NELL1: variants seen among roughly 807,000 people sequenced by gnomAD.
The protein encoded by NELL1 is neural EGFL like 1.
Under a neutral mutation model 107.4 loss-of-function variants are expected in NELL1, and 76 were observed. The ratio of observed to expected loss-of-function variants is 0.71; its 90% CI spans 0.59 to 0.86. The LOEUF (loss-of-function observed/expected upper bound fraction) is 0.86, where lower values mean the gene tolerates loss of function less well. Among genes scored for constraint, NELL1 ranks in the 40% least tolerant of loss-of-function variants. The pLI, the probability that NELL1 is intolerant of heterozygous loss-of-function variation, is 0.00. For missense variants in NELL1, 1,024 were observed against 1,005.5 expected (o/e 1.02, Z -0.25); for synonymous variants, 353 against 341.2 (o/e 1.03, Z -0.38).
intron 14 of NELL1, among the ~76,000 whole-genome samples, chr11:21,247,073 G>A (rs1258110007): frequency 2.0e-5 from 3 of 152,142 alleles, no homozygotes; most frequent in Non-Finnish European, 4.4e-5. Context: ...AAAAGATAAA[G>A]AGTGGTACAC....
intron 13 of NELL1, among the ~76,000 whole-genome samples, chr11:21,167,485 A>G (rs1259705257): frequency 6.6e-6 from 1 of 151,842 alleles, no homozygotes; most frequent in Non-Finnish European, 1.5e-5. Flanking sequence ...AATATCAAGG[A>G]TGAAAAATTT....
intron 4 of NELL1, among the ~76,000 whole-genome samples, chr11:20,870,512 G>A (rs1849176778): frequency 6.6e-6 from 1 of 151,992 alleles, no homozygotes; most frequent in Admixed American, 6.6e-5. Flanking sequence ...GAGAGGATGG[G>A]AGATCTCAGT....
chr11:21,365,334 T>A (rs910614489), intron 14 of NELL1, among the ~76,000 whole-genome samples: 1 of 152,202 alleles, frequency 6.6e-6, no homozygotes, highest in African/African-American at 2.4e-5. Context: ...GTTAAGACTC[T>A]GGGCTTGAAA....
At chr11:20,735,080 G>A (rs546774784) in intron 2 of NELL1, among the ~76,000 whole-genome samples, 52 of 152,182 alleles carry the variant, frequency 3.4e-4, no homozygotes, top group African/African-American at 1.1e-3. Context: ...AGAAGAAGGA[G>A]CCAGCAAAGG....
intron 2 of NELL1, among the ~76,000 whole-genome samples, chr11:20,748,447 G>T (rs1169618012): frequency 6.6e-6 from 1 of 152,082 alleles, no homozygotes; most frequent in Non-Finnish European, 1.5e-5. Context: ...AGTAGTTTTT[G>T]GTTACGTGGA....
intron 15 of NELL1, among the ~76,000 whole-genome samples, chr11:21,466,256 T>C (rs1025741307): frequency 5.3e-5 from 8 of 152,116 alleles, no homozygotes; most frequent in African/African-American, 1.9e-4. Context: ...TGCGGAGGAC[T>C]AGTGAGGTCT....
chr11:21,466,156 C>G (rs1590954004), intron 15 of NELL1, among the ~76,000 whole-genome samples: 1 of 152,126 alleles, frequency 6.6e-6, no homozygotes, highest in Non-Finnish European at 1.5e-5. Flanking sequence ...AAGTTTAAGA[C>G]TCTATTAGCA....
chr11:21,476,782 A>T (rs1285543087), intron 15 of NELL1, among the ~76,000 whole-genome samples: 14 of 152,102 alleles, frequency 9.2e-5, no homozygotes, highest in Admixed American at 8.5e-4. Flanking sequence ...AGAGAATTTG[A>T]ATGTACTTAG....
intron 15 of NELL1, among the ~76,000 whole-genome samples, chr11:21,495,172 C>T (rs945267526): frequency 2.0e-5 from 3 of 152,136 alleles, no homozygotes; most frequent in Non-Finnish European, 4.4e-5. Context: ...TAATCCCTTT[C>T]CCCTAACCAC....
intron 14 of NELL1, among the ~76,000 whole-genome samples, chr11:21,296,006 T>C (rs1849367114): frequency 6.6e-6 from 1 of 152,040 alleles, no homozygotes; most frequent in Admixed American, 6.6e-5. Flanking sequence ...TCTGGTTTGC[T>C]ACAGTTAATG....
intron 13 of NELL1, among the ~76,000 whole-genome samples, chr11:21,209,680 G>A (rs1417465534): frequency 2.0e-5 from 3 of 152,012 alleles, no homozygotes; most frequent in Non-Finnish European, 2.9e-5. Flanking sequence ...GAGTTGCACA[G>A]CAATTATCAT....
chr11:21,453,107 A>G (rs1333534208), intron 15 of NELL1, among the ~76,000 whole-genome samples: 1 of 152,128 alleles, frequency 6.6e-6, no homozygotes, highest in Non-Finnish European at 1.5e-5. Flanking sequence ...AAGATTTTCT[A>G]AATGTCAATA....
At chr11:21,469,919 T>C (rs953032978) in intron 15 of NELL1, among the ~76,000 whole-genome samples, 3 of 152,184 alleles carry the variant, frequency 2.0e-5, no homozygotes, top group South Asian at 4.1e-4. Context: ...CCTTGTTAAA[T>C]TGGATTGGGA....
At chr11:21,099,320 G>A (rs545265607) in intron 12 of NELL1, among the ~76,000 whole-genome samples, 1 of 152,068 alleles carries the variant, frequency 6.6e-6, no homozygotes, top group East Asian at 1.9e-4. Flanking sequence ...AAAAGGAAAA[G>A]TCAGTTTGCC....
chr11:21,060,647 A>G (rs1305058338), intron 12 of NELL1, among the ~76,000 whole-genome samples: 1 of 152,174 alleles, frequency 6.6e-6, no homozygotes, highest in Non-Finnish European at 1.5e-5. Context: ...GACTAGCTCC[A>G]TTATCTCTGA....
intron 5 of NELL1, among the ~76,000 whole-genome samples, chr11:20,901,204 C>T (rs144982093): frequency 4.6e-5 from 7 of 151,840 alleles, no homozygotes; most frequent in African/African-American, 1.7e-4. Context: ...AAATGATCAC[C>T]AAATTATTAG....
chr11:21,540,268 A>G (rs1193219259), intron 16 of NELL1, among the ~76,000 whole-genome samples: 3 of 152,044 alleles, frequency 2.0e-5, no homozygotes, highest in African/African-American at 7.2e-5. Flanking sequence ...GCTCTCAAAC[A>G]TTGTAACTTA....
chr11:20,757,951 T>C (rs1044426866), intron 2 of NELL1, among the ~76,000 whole-genome samples: 2 of 152,204 alleles, frequency 1.3e-5, no homozygotes, highest in Non-Finnish European at 2.9e-5. Context: ...GGTTTCAGCA[T>C]GGTCAGGTTC....
chr11:21,249,741 T>A (rs1858590327), intron 14 of NELL1, among the ~76,000 whole-genome samples: 1 of 152,148 alleles, frequency 6.6e-6, no homozygotes, highest in South Asian at 2.1e-4. Flanking sequence ...GAATGTTAGT[T>A]TGCACTTTAA....
Sources: allele counts gnomAD v4.1 joint callset (sites outside exome capture counted in the v4.1 genomes callset), GRCh38; gene constraint gnomAD v4.1.1; transcripts MANE v1.5; gene names NCBI Gene and HGNC (gene_info 2026-07-23, HGNC 2026-07-21).